Variants in RYR3 observed in about 807,000 individuals in gnomAD.
The protein encoded by RYR3 is brain ryanodine receptor-calcium release channel.
RYR3 carries 207 observed loss-of-function variants against 584.3 expected under a neutral mutation model. That is an observed-to-expected ratio of 0.35 (90% confidence interval 0.32 to 0.40). The LOEUF is 0.40. Among genes scored for constraint, RYR3 ranks in the 10% least tolerant of loss-of-function variants. The pLI is 1.00. For missense variants in RYR3, 5,616 were observed against 6,089.2 expected, an observed-to-expected ratio of 0.92 and a Z score of 2.59; for synonymous variants, 2,416 against 2,248.5, an observed-to-expected ratio of 1.07 and a Z score of -2.11.
At chr15:33,669,843 T>TGGGGGGGGGGGGGGGGGGGGGG (rs35446204) in intron 37 of RYR3, among the ~76,000 whole-genome samples, 1 of 22,082 alleles carries the variant, frequency 4.5e-5, no homozygotes, top group African/African-American at 1.2e-4. Flanking sequence ...TGTGTGTGTG[T>TGGGGGGGGGGGGGGGGGGGGGG]GGGGGGGGGG....
intron 47 of RYR3, among the ~76,000 whole-genome samples, chr15:33,729,914 T>G (rs1162605967): frequency 1.3e-5 from 2 of 152,180 alleles, no homozygotes; most frequent in African/African-American, 4.8e-5. Flanking sequence ...GGATTCCACC[T>G]GCATGGGTTA....
intron 2 of RYR3, among the ~76,000 whole-genome samples, chr15:33,487,780 A>G (rs1265714068): frequency 6.6e-6 from 1 of 152,212 alleles, no homozygotes; most frequent in Non-Finnish European, 1.5e-5. Flanking sequence ...TTCAAGGTGA[A>G]GGGTTGGGAT....
chr15:33,584,560 A>G lies in RYR3; in HGVS notation c.1669+70A>G, dbSNP rs2058749418. 6 of 712,852 alleles carry G rather than the reference A, an allele frequency of 8.4e-6. No individual in the cohort carries two copies. The South Asian group carries it at 1.1e-4, about 13-fold the overall frequency. 44.2% of individuals were successfully genotyped at this position (712,852 alleles called of 1,614,324 possible). A position where few individuals can be genotyped will look rare whatever the true frequency, so the allele number is the denominator to read the frequency against. ...TTTTTTTCTTTCTGTAAAAAAAGAA[A>G]ACAAAGTTGAATCTTTTCCAATGGA... On this transcript the variant is annotated intron_variant, in intron 15 of 103. Transcript: ENST00000634891.
intron 8 of RYR3, among the ~76,000 whole-genome samples, chr15:33,546,839 A>G (rs1380403464): frequency 6.6e-6 from 1 of 152,174 alleles, no homozygotes; most frequent in African/African-American, 2.4e-5. Flanking sequence ...TCTTTTCACC[A>G]CTATTGACTA....
At chr15:33,765,341 ATAGT>A (rs895255464) in intron 60 of RYR3, among the ~76,000 whole-genome samples, 2 of 152,020 alleles carry the variant, frequency 1.3e-5, no homozygotes, top group Non-Finnish European at 2.9e-5. Flanking sequence ...CCTAATGAAA[ATAGT>A]TAGGAGGCCA....
chr15:33,829,198 A>G (rs1262606752), intron 85 of RYR3, among the ~76,000 whole-genome samples: 7 of 152,170 alleles, frequency 4.6e-5, no homozygotes, highest in Non-Finnish European at 5.9e-5. Flanking sequence ...TCAAAATATT[A>G]CTGTTGTTGA....
rs2064347194 is a variant in RYR3 at position 33,678,534 on chromosome 15, AGG to A, written c.5860+7979_5860+7980del. Among the ~76,000 whole-genome samples, 3 of 152,212 alleles carry A rather than the reference AGG, an allele frequency of 2.0e-5. No individual in the cohort carries two copies. The South Asian group carries it at 6.2e-4, about 32-fold the overall frequency. ...TCTTCTTCATAAATTATGCAATCTCAGGTAGTTCTTTATAGCAGTGTGAGAAT... is the reference window on the plus strand; with the variant it reads ...TCTTCTTCATAAATTATGCAATCTCATAGTTCTTTATAGCAGTGTGAGAAT... On this transcript the variant is annotated intron_variant, in intron 38 of 103. Coordinates refer to ENST00000634891, the MANE Select transcript of RYR3 (RefSeq NM_001036.6).
chr15:33,452,932 AG>A (rs1236063727), intron 1 of RYR3, among the ~76,000 whole-genome samples: 2 of 152,238 alleles, frequency 1.3e-5, no homozygotes, highest in African/African-American at 4.8e-5. Context: ...GGGTCAATGG[AG>A]GCTCAGTCTC....
chr15:33,633,729 T>C (rs2061371965), intron 24 of RYR3, among the ~76,000 whole-genome samples: 1 of 152,166 alleles, frequency 6.6e-6, no homozygotes, highest in African/African-American at 2.4e-5. Flanking sequence ...GTTATACATA[T>C]GAGTTTGGGT....
At position 33,726,493 on chromosome 15, in the gene RYR3, C is replaced by G. The variant is rs746840759; in HGVS notation, c.7020C>G (p.Pro2340=). 5 of 1,597,386 alleles carry G rather than the reference C, an allele frequency of 3.1e-6. No individual in the cohort carries two copies. The highest frequency in any genetic ancestry group is 1.1e-5 in the South Asian group (1 of 88,044). The stretch of plus-strand genomic sequence containing the variant: ...TCATCAGCATCCCCTTGAAACTGCC[C>G]TCCCTCAACAAAGGTAAGGGGAGTG... ...VGIISIPLKL[P]SLNKDGSVSE... The change falls in exon 46 of 104, where the codon CCC becomes CCG. Residue 2340 remains proline, a synonymous_variant. Transcript: ENST00000634891.
chr15:33,768,976 G>T (rs1265028673), intron 61 of RYR3, 136 bp from the exon 62 acceptor site: 3 of 741,862 alleles, frequency 4.0e-6, no homozygotes, highest in Non-Finnish European at 4.8e-6. Context: ...ATGCATTGTC[G>T]CTGAACACAG....
intron 20 of RYR3, 140 bp downstream of exon 20, chr15:33,624,163 A>T: frequency 3.0e-6 from 2 of 666,740 alleles, no homozygotes; most frequent in South Asian, 3.8e-5. Flanking sequence ...GTTACTCCTC[A>T]CATTTTCACC....
intron 18 of RYR3, among the ~76,000 whole-genome samples, 167 bp from the exon 19 acceptor site, chr15:33,613,016 A>C (rs1214059932): frequency 6.6e-6 from 1 of 152,102 alleles, no homozygotes; most frequent in Non-Finnish European, 1.5e-5. Flanking sequence ...TGCTCATCTC[A>C]CACAAAAGGA....
chr15:33,493,002 G>A (rs898868440), intron 2 of RYR3, among the ~76,000 whole-genome samples: 1 of 152,106 alleles, frequency 6.6e-6, no homozygotes, highest in Non-Finnish European at 1.5e-5. Flanking sequence ...GAGGGAGGAG[G>A]GTGTAAGTGG....
chr15:33,337,599 T>C (rs1013085413), intron 1 of RYR3, among the ~76,000 whole-genome samples: 1 of 152,076 alleles, frequency 6.6e-6, no homozygotes, highest in African/African-American at 2.4e-5. Context: ...TGAACATAGA[T>C]GCTAAAGTCC....
At chr15:33,550,442 T>A (rs993563109) in intron 10 of RYR3, 126 bp downstream of exon 10, 9 of 832,598 alleles carry the variant, frequency 1.1e-5, no homozygotes, top group Non-Finnish European at 1.7e-5. Flanking sequence ...TGCCCTAAGA[T>A]AGATAAACAC....
chr15:33,813,084 G>C, intron 73 of RYR3, 90 bp downstream of exon 73: 1 of 1,513,710 alleles, frequency 6.6e-7, no homozygotes, highest in Non-Finnish European at 9.0e-7. Context: ...AGGTACAAGT[G>C]CCCTCATAAG....
At chr15:33,548,013 A>G (rs2056376875) in intron 8 of RYR3, 117 bp from the exon 9 acceptor site, 2 of 691,360 alleles carry the variant, frequency 2.9e-6, no homozygotes, top group African/African-American at 3.7e-5. Context: ...CATTCTGCTG[A>G]CTCCAAAAGG....
At chr15:33,831,492 A>G (rs774339258) in intron 86 of RYR3, among the ~76,000 whole-genome samples, 2 of 152,242 alleles carry the variant, frequency 1.3e-5, no homozygotes, top group Non-Finnish European at 2.9e-5. Context: ...TAAGGGATAA[A>G]TGATGTTCTC....
Sources: gnomAD v4.1 joint callset for allele counts (sites outside exome capture counted in the v4.1 genomes callset) on GRCh38, gnomAD v4.1.1 for gene constraint, MANE v1.5 for transcripts, NCBI Gene and HGNC (gene_info 2026-07-23, HGNC 2026-07-21) for gene names.